Variants in NDUFAF7 observed in about 807,000 individuals in gnomAD.
NDUFAF7 encodes protein arginine methyltransferase NDUFAF7, mitochondrial.
Under a neutral mutation model 47.2 loss-of-function variants are expected in NDUFAF7, and 48 were observed. That is an observed-to-expected ratio of 1.02 (90% CI 0.81 to 1.29). The LOEUF is 1.29. Among genes scored for constraint, NDUFAF7 ranks in the 50% most tolerant of loss-of-function variants. NDUFAF7 has a pLI of 0.00. For synonymous variants in NDUFAF7, 217 were observed against 190.0 expected (o/e 1.14, Z -1.17); for missense variants, 635 against 537.6 (o/e 1.18, Z -1.79).
In NDUFAF7 at chr2:37,247,446, T is replaced by C; in HGVS notation, c.937-10T>C. On this transcript the variant is annotated splice_polypyrimidine_tract_variant and intron_variant, in intron 8 of 9. Coordinates refer to ENST00000002125, the MANE Select transcript of NDUFAF7 (RefSeq NM_144736.5). ...TAAAAGGGCAAAAATCTGATTTCTTTATGTTCAAGGGGTTTTGCGACCACA... is the reference window on the plus strand; with the variant it reads ...TAAAAGGGCAAAAATCTGATTTCTTCATGTTCAAGGGGTTTTGCGACCACA... 1 of 1,613,964 alleles carries C rather than the reference T, an allele frequency of 6.2e-7. No homozygotes were observed. The highest frequency in any genetic ancestry group is 8.5e-7 in the Non-Finnish European group (1 of 1,179,896).
At chr2:37,240,885 G>C (rs1483920941) in intron 4 of NDUFAF7, among the ~76,000 whole-genome samples, 2 of 151,998 alleles carry the variant, frequency 1.3e-5, no homozygotes, top group South Asian at 4.1e-4. Context: ...AACTAAATTT[G>C]GAAAAATCAT....
At chr2:37,247,427 G>C in intron 8 of NDUFAF7, 29 bp from the exon 9 acceptor site, 1 of 1,613,098 alleles carries the variant, frequency 6.2e-7, no homozygotes. Flanking sequence ...ACCATAAAAG[G>C]GCAAAAATCT....
intron 8 of NDUFAF7, among the ~76,000 whole-genome samples, chr2:37,246,411 C>A (rs1666903345): frequency 6.6e-6 from 1 of 152,190 alleles, no homozygotes; most frequent in South Asian, 2.1e-4. Flanking sequence ...GAATTGTGTA[C>A]ATTCTTCCTT....
intron 2 of NDUFAF7, among the ~76,000 whole-genome samples, chr2:37,233,329 G>C (rs527262313): frequency 6.6e-6 from 1 of 152,210 alleles, no homozygotes; most frequent in Non-Finnish European, 1.5e-5. Flanking sequence ...GCAATTCGCT[G>C]TAAGAGTCTG....
chr2:37,254,240 G>A (rs1667756635), downstream of NDUFAF7: 3 of 1,613,342 alleles, frequency 1.9e-6, no homozygotes, highest in South Asian at 3.3e-5. Context: ...TGTCAACACT[G>A]TAACGTTTTC....
At chr2:37,253,649 T>C (rs770445452), downstream of NDUFAF7, among the ~76,000 whole-genome samples, 3 of 152,218 alleles carry the variant, frequency 2.0e-5, no homozygotes, top group Non-Finnish European at 2.9e-5. Context: ...TTTTGTTCTA[T>C]ACAACGTGAG....
chr2:37,266,518 C>G, the NDUFAF7 span, among the ~76,000 whole-genome samples: 2 of 147,738 alleles, frequency 1.4e-5, no homozygotes, highest in African/African-American at 5.0e-5. Context: ...TGGAGTTTTG[C>G]TGTTGTTGCC....
At chr2:37,268,079 G>A in the NDUFAF7 span, 9 of 231,552 alleles carry the variant, frequency 3.9e-5, no homozygotes, top group Non-Finnish European at 7.8e-5. Flanking sequence ...AAATTAACTA[G>A]TTATACCTAT....
Position 37,248,159 on chromosome 2 carries a change from C to T in NDUFAF7, c.1135C>T (p.Pro379Ser). 2 of 1,613,652 alleles carry T rather than the reference C, an allele frequency of 1.2e-6. No homozygotes were observed. Among genetic ancestry groups the T allele is most frequent in the African/African-American group, 1.3e-5 (1 of 74,984 alleles). The change falls in exon 10 of 10, where the codon CCA (proline) becomes TCA (serine). Residue 379 changes from proline (P) to serine (S), a missense_variant. Coordinates refer to ENST00000002125, the MANE Select transcript of NDUFAF7 (RefSeq NM_144736.5). The stretch of plus-strand genomic sequence containing the variant: ...GGTTCTTTTAGATAAATCAAATGAG[C>T]CATCAGTGAGGCAGCAGTTACTTCA... ...LKVLLDKSNE[P>S]SVRQQLLQGY...
In NDUFAF7 at chr2:37,232,125, A is replaced by T; in HGVS notation, c.75A>T (p.Arg25Ser). ...VARAAIPFIWRGKYFSSGNEP... is the reference protein window; with the variant it reads ...VARAAIPFIWSGKYFSSGNEP... ...TCGCAGCCATTCCTTTTATTTGGAG[A>T]GGGAAATACTTCAGCTCCGGGAATG... Residue 25 changes from arginine (R) to serine (S), a missense_variant, in exon 2 of 10, where the codon AGA becomes AGT. By Grantham distance (110) the Arg-to-Ser change is moderately radical. Transcript: ENST00000002125. The T allele has an allele frequency of 6.2e-7, 1 of 1,614,158 alleles. No individual in the cohort carries two copies.
chr2:37,248,377 C>T lies in NDUFAF7; in HGVS notation c.*27C>T, dbSNP rs200236403. 2 of 1,585,882 alleles carry T rather than the reference C, an allele frequency of 1.3e-6. No homozygotes were observed. Among genetic ancestry groups the T allele is most frequent in the African/African-American group, 2.7e-5 (2 of 74,280 alleles). ...ATTTCAGCTTGGACATTTTACCCTT[C>T]AGTCGGCCCAAGAAATCAAAATAAA... is the stretch of plus-strand genomic sequence containing the variant. On this transcript the variant is annotated 3_prime_UTR_variant, in exon 10 of 10. Coordinates refer to ENST00000002125, the MANE Select transcript of NDUFAF7 (RefSeq NM_144736.5).
At chr2:37,237,708 T>A (rs766978673) in intron 3 of NDUFAF7, 49 bp from the exon 4 acceptor site, 25 of 1,371,094 alleles carry the variant, frequency 1.8e-5, no homozygotes, top group Non-Finnish European at 2.5e-5. Flanking sequence ...TGGTATACTT[T>A]TATACTTTAT....
intron 4 of NDUFAF7, among the ~76,000 whole-genome samples, chr2:37,240,936 C>G (rs1050412502): frequency 8.5e-5 from 13 of 152,168 alleles, no homozygotes; most frequent in African/African-American, 3.1e-4. Flanking sequence ...ATTCATATCT[C>G]AAAAGTATTA....
Position 37,231,766 on chromosome 2 carries a change from C to T in NDUFAF7, c.55+6C>T, listed in dbSNP as rs767921647. The T allele has an allele frequency of 9.3e-6, 15 of 1,614,158 alleles. No homozygotes were observed. Among genetic ancestry groups the T allele is most frequent in the South Asian group, 5.5e-5 (5 of 91,082 alleles). Reference sequence around the variant, plus strand: ...GTGTGCCGTGGCGCGCGCAGGTAAGCGTCAGTCCCCTCGAAGCCCGGTTGC... The same window carrying T: ...GTGTGCCGTGGCGCGCGCAGGTAAGTGTCAGTCCCCTCGAAGCCCGGTTGC... On this transcript the variant is annotated splice_donor_region_variant and intron_variant, in intron 1 of 9. Transcript: ENST00000002125.
At chr2:37,232,084 G>C in intron 1 of NDUFAF7, 22 bp from the exon 2 acceptor site, 2 of 1,614,216 alleles carry the variant, frequency 1.2e-6, no homozygotes, top group Non-Finnish European at 1.7e-6. Flanking sequence ...CATGGGGTCT[G>C]TTTAATTTGT....
At chr2:37,234,277 AG>A (rs1665513032) in intron 2 of NDUFAF7, among the ~76,000 whole-genome samples, 1 of 152,008 alleles carries the variant, frequency 6.6e-6, no homozygotes, top group Non-Finnish European at 1.5e-5. Flanking sequence ...TTTTCAATGG[AG>A]ATCGGGTTTT....
At position 37,248,677 on chromosome 2, in the gene NDUFAF7, G is replaced by A; in HGVS notation, c.*327G>A. On this transcript the variant is annotated 3_prime_UTR_variant, in exon 10 of 10. Coordinates refer to ENST00000002125, the MANE Select transcript of NDUFAF7 (RefSeq NM_144736.5). Reference sequence around the variant, plus strand: ...TGCCTGTAATCCCAGCACTTTGGGAGGCTGAGGTGGGCATATCACCTGAGG... The same window carrying A: ...TGCCTGTAATCCCAGCACTTTGGGAAGCTGAGGTGGGCATATCACCTGAGG... 8.6e-6 allele frequency: 3 copies of A among 350,654 alleles called. No homozygotes were observed. Among genetic ancestry groups the A allele is most frequent in the Non-Finnish European group, 1.7e-5 (3 of 180,820 alleles). The allele number at this position is 350,654 out of a possible 1,614,324, so 21.7% of individuals were successfully genotyped here. A position where few individuals can be genotyped will look rare whatever the true frequency, so the allele number is the denominator to read the frequency against.
downstream of NDUFAF7, among the ~76,000 whole-genome samples, chr2:37,256,165 G>T (rs552895158): frequency 6.6e-6 from 1 of 152,284 alleles, no homozygotes; most frequent in East Asian, 1.9e-4. Context: ...GGGAAAAACA[G>T]TCCCAAGCAA....
intron 7 of NDUFAF7, among the ~76,000 whole-genome samples, chr2:37,244,421 T>C (rs1221155279): frequency 6.6e-6 from 1 of 152,220 alleles, no homozygotes; most frequent in Non-Finnish European, 1.5e-5. Context: ...GTTCTATTAT[T>C]ATCCTTCTTT....
Sources: allele counts gnomAD v4.1 joint callset (sites outside exome capture counted in the v4.1 genomes callset), GRCh38; gene constraint gnomAD v4.1.1; transcripts MANE v1.5; gene names NCBI Gene and HGNC (gene_info 2026-07-23, HGNC 2026-07-21).